The following RPTOR variants were observed in gnomAD, a reference collection of about 807,000 sequenced individuals.
The protein encoded by RPTOR is regulatory associated protein of MTOR complex 1.
Under a neutral mutation model 169.9 loss-of-function variants are expected in RPTOR, and 21 were observed. The observed-to-expected ratio is 0.12, with a 90% CI of 0.09 to 0.18. The LOEUF (loss-of-function observed/expected upper bound fraction) is 0.18. RPTOR is among the 10% of genes least tolerant of loss of function. The pLI, the probability that RPTOR is intolerant of heterozygous loss-of-function variation, is 1.00. For synonymous variants in RPTOR, 732 were observed against 753.2 expected (o/e 0.97, Z 0.46); for missense variants, 1,133 against 1,855.9 (o/e 0.61, Z 7.16).
intron 1 of RPTOR, among the ~76,000 whole-genome samples, chr17:80,596,230 G>A (rs2065143733): frequency 6.6e-6 from 1 of 152,146 alleles, no homozygotes; most frequent in Non-Finnish European, 1.5e-5. Flanking sequence ...GGTTGAGATT[G>A]GAACCAATAA....
intron 10 of RPTOR, among the ~76,000 whole-genome samples, chr17:80,846,017 C>G (rs1037337684): frequency 6.6e-6 from 1 of 152,242 alleles, no homozygotes; most frequent in South Asian, 2.1e-4. Context: ...CTGTCCTGGG[C>G]CCCTTTCCTT....
At chr17:80,834,704 G>A (rs2067544663) in intron 9 of RPTOR, among the ~76,000 whole-genome samples, 1 of 152,232 alleles carries the variant, frequency 6.6e-6, no homozygotes, top group Admixed American at 6.5e-5. Context: ...GCTGAGCGAT[G>A]TCTCCAGTGC....
chr17:80,838,145 G>C, intron 10 of RPTOR, 148 bp downstream of exon 10: 1 of 634,626 alleles, frequency 1.6e-6, no homozygotes, highest in South Asian at 1.9e-5. Flanking sequence ...GTAGTTGCCA[G>C]AGTTTAAAAC....
At chr17:80,853,814 T>G (rs1160157086) in intron 11 of RPTOR, among the ~76,000 whole-genome samples, 1 of 152,052 alleles carries the variant, frequency 6.6e-6, no homozygotes, top group Non-Finnish European at 1.5e-5. Flanking sequence ...CCGTCTCTAC[T>G]AAAAATACAA....
At chr17:80,623,946 G>A (rs1001748069) in intron 1 of RPTOR, among the ~76,000 whole-genome samples, 6 of 151,964 alleles carry the variant, frequency 3.9e-5, no homozygotes, top group Non-Finnish European at 7.4e-5. Flanking sequence ...TGCCTAGGCC[G>A]GAGTGCAGTG....
At chr17:80,956,673 G>A (rs2069254059) in intron 28 of RPTOR, among the ~76,000 whole-genome samples, 1 of 152,252 alleles carries the variant, frequency 6.6e-6, no homozygotes, top group African/African-American at 2.4e-5. Flanking sequence ...AGACGTCGCT[G>A]CAAGGGTCTG....
intron 17 of RPTOR, 93 bp downstream of exon 17, chr17:80,885,241 G>T (rs2068232140): frequency 5.0e-6 from 7 of 1,400,794 alleles, no homozygotes; most frequent in Non-Finnish European, 5.7e-6. Context: ...CCACAGCAGG[G>T]AGCACTCAGT....
intron 1 of RPTOR, among the ~76,000 whole-genome samples, chr17:80,569,936 GGCTGCTCTTT>G (rs1356588450): frequency 6.6e-6 from 1 of 152,072 alleles, no homozygotes; most frequent in Non-Finnish European, 1.5e-5. Flanking sequence ...CTGCCCCTGT[GGCTGCTCTTT>G]GCCTGGCCTC....
At chr17:80,784,431 G>T (rs1171359845) in intron 6 of RPTOR, among the ~76,000 whole-genome samples, 1 of 151,440 alleles carries the variant, frequency 6.6e-6, no homozygotes, top group Non-Finnish European at 1.5e-5. Context: ...CACTCTTGTT[G>T]CCCAGGCTGG....
intron 13 of RPTOR, among the ~76,000 whole-genome samples, chr17:80,877,683 C>T (rs2068137044): frequency 6.6e-6 from 1 of 152,222 alleles, no homozygotes. Context: ...GTTGCCCTGG[C>T]CCTCTGGGCT....
intron 23 of RPTOR, 88 bp downstream of exon 23, chr17:80,923,761 C>T (rs6565491): frequency 0.87 from 1,191,125 of 1,375,286 alleles, 517,116 homozygotes; most frequent in African/African-American, 0.95. Flanking sequence ...AGGCTGCTCA[C>T]ATCACCATGG....
chr17:80,889,011 A>G (rs2068283417), intron 17 of RPTOR, among the ~76,000 whole-genome samples: 1 of 152,196 alleles, frequency 6.6e-6, no homozygotes, highest in African/African-American at 2.4e-5. Flanking sequence ...GCCAGGCACA[A>G]GCCTTGTCGT....
chr17:80,589,414 G>A (rs1255234588), intron 1 of RPTOR, among the ~76,000 whole-genome samples: 1 of 152,050 alleles, frequency 6.6e-6, no homozygotes, highest in Non-Finnish European at 1.5e-5. Context: ...ATCCTCCAGA[G>A]TTTCTTGACT....
At position 80,665,833 on chromosome 17, in the gene RPTOR, G is replaced by A. The variant is rs377447384; in HGVS notation, c.348+22023G>A. ...GCTGGGATTACAGGCGTGAGCCACCGCGCCCGGCCCCCCAAAAATTTTTCT... is the reference window on the plus strand; with the variant it reads ...GCTGGGATTACAGGCGTGAGCCACCACGCCCGGCCCCCCAAAAATTTTTCT... On this transcript the variant is annotated intron_variant, in intron 3 of 33. Transcript: ENST00000306801. Among the ~76,000 whole-genome samples the A allele has an allele frequency of 5.3e-5, 8 of 152,200 alleles. No homozygotes were observed. The East Asian group carries it at 9.7e-4, about 18-fold the overall frequency.
At chr17:80,575,107 G>A (rs533431410) in intron 1 of RPTOR, among the ~76,000 whole-genome samples, 1 of 152,176 alleles carries the variant, frequency 6.6e-6, no homozygotes, top group Admixed American at 6.5e-5. Context: ...CTTTTCTAGT[G>A]TATGCACTTA....
intron 5 of RPTOR, among the ~76,000 whole-genome samples, chr17:80,752,842 G>A (rs2066642919): frequency 1.3e-5 from 2 of 152,190 alleles, no homozygotes; most frequent in African/African-American, 4.8e-5. Context: ...AGAAGGAAGA[G>A]TTACACTTTC....
chr17:80,670,794 C>T (rs1329158114), intron 3 of RPTOR, among the ~76,000 whole-genome samples: 1 of 152,098 alleles, frequency 6.6e-6, no homozygotes, highest in East Asian at 1.9e-4. Flanking sequence ...TAATCAGCCC[C>T]CCAACTCCCC....
chr17:80,779,095 T>A (rs906529556), intron 6 of RPTOR, among the ~76,000 whole-genome samples: 1 of 152,226 alleles, frequency 6.6e-6, no homozygotes, highest in African/African-American at 2.4e-5. Flanking sequence ...AGCCGTGGGC[T>A]GAGATGCACC....
intron 21 of RPTOR, chr17:80,909,971 C>T (rs1303391840): frequency 6.6e-6 from 1 of 152,142 alleles, no homozygotes; most frequent in Non-Finnish European, 1.5e-5. Context: ...CTTCTCAGTC[C>T]CTTTTGTGAG....
Sources: gnomAD v4.1 joint callset for allele counts (sites outside exome capture counted in the v4.1 genomes callset) on GRCh38, gnomAD v4.1.1 for gene constraint, MANE v1.5 for transcripts, NCBI Gene and HGNC (gene_info 2026-07-23, HGNC 2026-07-21) for gene names.